The following PDE7A variants were observed in gnomAD, a reference collection of about 807,000 sequenced individuals.
The protein encoded by PDE7A is high affinity 3',5'-cyclic-AMP phosphodiesterase 7A.
PDE7A carries 39 observed loss-of-function variants against 64.3 expected under a neutral mutation model. The observed-to-expected ratio is 0.61, with a 90% CI of 0.47 to 0.79. The LOEUF is 0.79. Ranked by LOEUF, PDE7A falls within the 30% of genes least tolerant of loss-of-function variation. The pLI, the probability that PDE7A is intolerant of heterozygous loss-of-function variation, is 0.00. For missense variants in PDE7A, 470 were observed against 582.8 expected (o/e 0.81, Z 1.99); for synonymous variants, 203 against 206.8 (o/e 0.98, Z 0.16).
chr8:65,782,804 C>T lies in PDE7A; in HGVS notation c.178G>A (p.Ala60Thr). The T allele has an allele frequency of 6.3e-7, 1 of 1,587,784 alleles. No individual in the cohort carries two copies. The highest frequency in any genetic ancestry group is 2.2e-5 in the East Asian group (1 of 44,576). The change falls in exon 2 of 13, where the codon GCA becomes ACA. Residue 60 changes from alanine to threonine, a missense_variant. By Grantham distance (58) the Ala-to-Thr change is moderately conservative. Coordinates refer to ENST00000401827, the MANE Select transcript of PDE7A (RefSeq NM_001242318.3). ...AISYDSSDQT[A>T]LYIRMLGDVR... ...TTACCTAGCATACGAATGTATAATG[C>T]AGTCTGATCAGAACTGTCATAGGAA...
intron 5 of PDE7A, 73 bp from the exon 6 acceptor site, chr8:65,739,670 A>T: frequency 7.7e-7 from 1 of 1,291,794 alleles, no homozygotes; most frequent in Non-Finnish European, 1.0e-6. Flanking sequence ...TTTGAAATAC[A>T]GATTTTGAAT....
At chr8:65,756,859 C>T (rs991876122) in intron 3 of PDE7A, among the ~76,000 whole-genome samples, 1 of 151,964 alleles carries the variant, frequency 6.6e-6, no homozygotes, top group Non-Finnish European at 1.5e-5. Flanking sequence ...ACTGGGGAAG[C>T]TCTGGAAACT....
At chr8:65,727,407 T>A in intron 7 of PDE7A, 106 bp from the exon 8 acceptor site, 1 of 1,492,346 alleles carries the variant, frequency 6.7e-7, no homozygotes, top group South Asian at 1.3e-5. Flanking sequence ...GGTAATCTCC[T>A]CCCCCTTCAC....
chr8:65,812,212 G>GAAA (rs76971303), intron 1 of PDE7A, among the ~76,000 whole-genome samples: 8 of 66,640 alleles, frequency 1.2e-4, no homozygotes, highest in Admixed American at 6.5e-4. Context: ...TTCAAAAACA[G>GAAA]AAAAAAAAAA....
At chr8:65,773,894 A>G (rs550418264) in intron 3 of PDE7A, among the ~76,000 whole-genome samples, 7 of 152,344 alleles carry the variant, frequency 4.6e-5, no homozygotes, top group African/African-American at 1.4e-4. Flanking sequence ...AGTGAATGTT[A>G]GGGGGTAGGC....
chr8:65,764,732 T>A (rs901821800), intron 3 of PDE7A, among the ~76,000 whole-genome samples: 1 of 151,704 alleles, frequency 6.6e-6, no homozygotes, highest in Non-Finnish European at 1.5e-5. Context: ...ATAATACAAC[T>A]AAGTATGAAA....
chr8:65,810,615 A>AT (rs1395363888), intron 1 of PDE7A, among the ~76,000 whole-genome samples: 1 of 152,106 alleles, frequency 6.6e-6, no homozygotes, highest in Admixed American at 6.5e-5. Context: ...AAATCATCCT[A>AT]TTTTTTAAGG....
At chr8:65,738,450 T>G (rs1807249919) in intron 6 of PDE7A, among the ~76,000 whole-genome samples, 1 of 152,112 alleles carries the variant, frequency 6.6e-6, no homozygotes, top group African/African-American at 2.4e-5. Context: ...GACAAAGACT[T>G]TACCAGGAAT....
chr8:65,795,321 T>C (rs1809810172), intron 1 of PDE7A, among the ~76,000 whole-genome samples: 1 of 152,142 alleles, frequency 6.6e-6, no homozygotes, highest in Non-Finnish European at 1.5e-5. Flanking sequence ...CACAGCGGTC[T>C]CACAAAGCTA....
At chr8:65,738,604 G>A (rs1807257045) in intron 6 of PDE7A, among the ~76,000 whole-genome samples, 1 of 151,986 alleles carries the variant, frequency 6.6e-6, no homozygotes, top group Non-Finnish European at 1.5e-5. Context: ...TAATTTTTTT[G>A]TATTTTTAGT....
At chr8:65,811,889 G>C (rs1810266216) in intron 1 of PDE7A, among the ~76,000 whole-genome samples, 1 of 152,166 alleles carries the variant, frequency 6.6e-6, no homozygotes, top group South Asian at 2.1e-4. Context: ...ACTGGAACAT[G>C]AATAGACAGA....
intron 3 of PDE7A, among the ~76,000 whole-genome samples, chr8:65,751,585 G>A (rs535408964): frequency 3.5e-4 from 53 of 152,082 alleles, no homozygotes; most frequent in Non-Finnish European, 6.9e-4. Flanking sequence ...CTCCGCCTCC[G>A]GGGTTCAAGC....
intron 3 of PDE7A, among the ~76,000 whole-genome samples, chr8:65,750,141 A>G (rs1283979800): frequency 1.3e-5 from 2 of 152,220 alleles, no homozygotes; most frequent in Admixed American, 6.5e-5. Flanking sequence ...TATCCCATTT[A>G]GTAATCATTA....
intron 1 of PDE7A, among the ~76,000 whole-genome samples, chr8:65,783,413 C>T (rs1036017294): frequency 6.6e-6 from 1 of 150,558 alleles, no homozygotes; most frequent in Non-Finnish European, 1.5e-5. Context: ...ACAGCCAAGC[C>T]GGTCTCCTGG....
intron 7 of PDE7A, among the ~76,000 whole-genome samples, chr8:65,729,964 C>A (rs1806784104): frequency 6.6e-6 from 1 of 151,864 alleles, no homozygotes. Flanking sequence ...ACAAGGCGGT[C>A]CTCGCAGGGC....
At chr8:65,817,757 T>C (rs900334156) in intron 1 of PDE7A, among the ~76,000 whole-genome samples, 18 of 151,334 alleles carry the variant, frequency 1.2e-4, no homozygotes, top group African/African-American at 4.4e-4. Context: ...GGAGTGTTTT[T>C]TTTTTTTTTT....
At position 65,715,991 on chromosome 8, in the gene PDE7A, T is replaced by C; in HGVS notation, c.*3299A>G. Among the ~76,000 whole-genome samples the C allele has an allele frequency of 1.2e-5, 1 of 85,486 alleles. No homozygotes were observed. The highest frequency in any genetic ancestry group is 4.4e-5 in the African/African-American group (1 of 22,672). 56.1% of individuals were successfully genotyped at this position (85,486 alleles called of 152,430 possible). A position where few individuals can be genotyped will look rare whatever the true frequency, so the allele number is the denominator to read the frequency against. Reference sequence around the variant, plus strand: ...CAGCCTGGGCGACAGAGCAAGGCTCTGTCTCAAAAAAAAAAAAAAAAAAAA... The same window carrying C: ...CAGCCTGGGCGACAGAGCAAGGCTCCGTCTCAAAAAAAAAAAAAAAAAAAA... On this transcript the variant is annotated 3_prime_UTR_variant, in exon 13 of 13. Coordinates refer to ENST00000401827, the MANE Select transcript of PDE7A (RefSeq NM_001242318.3).
At chr8:65,739,923 AC>A (rs1563480300) in intron 5 of PDE7A, among the ~76,000 whole-genome samples, 2 of 152,288 alleles carry the variant, frequency 1.3e-5, no homozygotes, top group Admixed American at 1.3e-4. Context: ...CCACATAGTA[AC>A]CTAACTCAGT....
intron 1 of PDE7A, among the ~76,000 whole-genome samples, chr8:65,806,922 C>T (rs1810128313): frequency 6.6e-6 from 1 of 152,160 alleles, no homozygotes; most frequent in South Asian, 2.1e-4. Context: ...ATGCCAGCAC[C>T]CCACTGTCTT....
Sources: allele counts gnomAD v4.1 joint callset (sites outside exome capture counted in the v4.1 genomes callset), GRCh38; gene constraint gnomAD v4.1.1; transcripts MANE v1.5; gene names NCBI Gene and HGNC (gene_info 2026-07-23, HGNC 2026-07-21).